Variants in ZMYND8 observed in about 807,000 individuals in gnomAD.
The protein encoded by ZMYND8 is zinc finger MYND-type containing 8.
ZMYND8 carries 37 observed loss-of-function variants against 140.8 expected under a neutral mutation model. The observed-to-expected ratio is 0.26, with a 90% confidence interval of 0.20 to 0.35. The LOEUF is 0.35. Ranked by LOEUF, ZMYND8 falls within the 10% of genes least tolerant of loss-of-function variation. The pLI, the probability that ZMYND8 is intolerant of heterozygous loss-of-function variation, is 1.00. For missense variants in ZMYND8, 1,068 were observed against 1,570.0 expected (o/e 0.68, Z 5.40); for synonymous variants, 592 against 597.1 (o/e 0.99, Z 0.12).
Position 47,210,178 on chromosome 20 carries a change from T to C in ZMYND8, c.*583A>G, listed in dbSNP as rs528778874. On this transcript the variant is annotated 3_prime_UTR_variant, in exon 23 of 23. Coordinates refer to ENST00000471951, the MANE Select transcript of ZMYND8 (RefSeq NM_001281775.3). Reference sequence around the variant, plus strand: ...TTTAGGAACGTGGTAACGTAGTAGCTGAAAGGAGCCAACGGCTTGATGGGA... The same window carrying C: ...TTTAGGAACGTGGTAACGTAGTAGCCGAAAGGAGCCAACGGCTTGATGGGA... 6.5e-6 allele frequency: 1 copy of C among 152,964 alleles called. No individual in the cohort carries two copies. Among genetic ancestry groups the C allele is most frequent in the East Asian group, 1.9e-4 (1 of 5,246 alleles). The allele number at this position is 152,964 out of a possible 1,614,324, so 9.5% of individuals were successfully genotyped here.
chr20:47,317,651 A>G (rs2079517862), intron 2 of ZMYND8, among the ~76,000 whole-genome samples: 1 of 152,206 alleles, frequency 6.6e-6, no homozygotes, highest in Non-Finnish European at 1.5e-5. Context: ...AGGCCACAGG[A>G]GTAGGGCAAC....
intron 14 of ZMYND8, among the ~76,000 whole-genome samples, chr20:47,245,556 A>G (rs908871897): frequency 8.6e-5 from 13 of 152,004 alleles, no homozygotes; most frequent in Admixed American, 2.6e-4. Flanking sequence ...TGAAATGAAC[A>G]CTCCTAACCG....
intron 11 of ZMYND8, among the ~76,000 whole-genome samples, chr20:47,263,123 A>G (rs2075274343): frequency 6.6e-6 from 1 of 152,212 alleles, no homozygotes; most frequent in Non-Finnish European, 1.5e-5. Context: ...AGGACAATAA[A>G]CCACTTACGT....
chr20:47,347,979 TG>T, intron 1 of ZMYND8, 53 bp from the exon 2 acceptor site: 3 of 1,541,730 alleles, frequency 1.9e-6, no homozygotes, highest in Admixed American at 1.7e-5. Flanking sequence ...ACTTGCCCCA[TG>T]GGGGCAGCTA....
intron 11 of ZMYND8, among the ~76,000 whole-genome samples, chr20:47,264,762 C>T (rs62201458): frequency 0.24 from 36,348 of 151,924 alleles, 4,735 homozygotes; most frequent in Non-Finnish European, 0.3. Flanking sequence ...ATGCCAGGTG[C>T]GGTGGTTCAC....
intron 12 of ZMYND8, among the ~76,000 whole-genome samples, chr20:47,258,139 A>G (rs1449179279): frequency 6.6e-6 from 1 of 152,228 alleles, no homozygotes; most frequent in Admixed American, 6.5e-5. Flanking sequence ...TTAAGCTGGC[A>G]AGAGCCACAT....
At chr20:47,275,506 A>C (rs1038088496) in intron 11 of ZMYND8, among the ~76,000 whole-genome samples, 3 of 151,934 alleles carry the variant, frequency 2.0e-5, no homozygotes, top group Admixed American at 1.3e-4. Context: ...AAAAAAAAAA[A>C]AAACACAACA....
At chr20:47,307,845 C>G (rs533575163) in intron 3 of ZMYND8, among the ~76,000 whole-genome samples, 4 of 151,584 alleles carry the variant, frequency 2.6e-5, no homozygotes, top group African/African-American at 4.8e-5. Flanking sequence ...TAAGGCCAGG[C>G]GCGGTGGCTC....
rs1044618022 is a variant in ZMYND8, at chr20:47,339,218, C to T, written c.85+8638G>A. ...CGATCTCCTGACCTTGTGATCCGCC[C>T]GCCTCGGCCTCCCAAAGTGCTGGGA... On this transcript the variant is annotated intron_variant, in intron 2 of 22. Transcript: ENST00000471951. Among the ~76,000 whole-genome samples the T allele has an allele frequency of 1.3e-4, 19 of 151,776 alleles. 1 individual carries two copies. Among genetic ancestry groups the T allele is most frequent in the Admixed American group, 1.1e-3 (16 of 15,232 alleles).
At chr20:47,285,586 G>C (rs2076872516) in intron 8 of ZMYND8, 1 of 738,812 alleles carries the variant, frequency 1.4e-6, no homozygotes, top group African/African-American at 1.9e-5. Context: ...TATTGGAAAG[G>C]ACATAGCCTC....
At chr20:47,313,605 G>C (rs1270654583) in intron 2 of ZMYND8, among the ~76,000 whole-genome samples, 1 of 151,604 alleles carries the variant, frequency 6.6e-6, no homozygotes, top group East Asian at 1.9e-4. Context: ...CTGGGCAACA[G>C]AGGGGTGAGA....
At chr20:47,313,526 G>A (rs1174737498) in intron 2 of ZMYND8, among the ~76,000 whole-genome samples, 1 of 152,102 alleles carries the variant, frequency 6.6e-6, no homozygotes, top group Non-Finnish European at 1.5e-5. Flanking sequence ...GGAGGCTGAG[G>A]CAGGAGAATG....
At chr20:47,312,729 G>T (rs1453642924) in intron 2 of ZMYND8, among the ~76,000 whole-genome samples, 1 of 151,418 alleles carries the variant, frequency 6.6e-6, no homozygotes. Flanking sequence ...GTCAGAGGTT[G>T]CTGTGAGCCG....
intron 11 of ZMYND8, 69 bp from the exon 12 acceptor site, chr20:47,262,497 AG>A (rs2147563936): frequency 6.3e-7 from 1 of 1,589,332 alleles, no homozygotes; most frequent in Admixed American, 1.7e-5. Context: ...GGTGTGGTGT[AG>A]GGAGAGAATG....
intron 10 of ZMYND8, among the ~76,000 whole-genome samples, chr20:47,280,460 C>A (rs2076536921): frequency 6.6e-6 from 1 of 152,212 alleles, no homozygotes; most frequent in Admixed American, 6.5e-5. Context: ...AGCTGGCCAA[C>A]TCACACGCCG....
intron 2 of ZMYND8, among the ~76,000 whole-genome samples, chr20:47,347,508 T>C (rs2082428916): frequency 6.6e-6 from 1 of 152,182 alleles, no homozygotes; most frequent in Admixed American, 6.5e-5. Context: ...GTTGTTAAAA[T>C]CAGAAAACGA....
rs1024183835 is a variant in ZMYND8 at position 47,310,309 on chromosome 20, C to A, written c.86-105G>T. On this transcript the variant is annotated intron_variant, in intron 2 of 22. Coordinates refer to ENST00000471951, the MANE Select transcript of ZMYND8 (RefSeq NM_001281775.3). ...AGTGTGGGAACAGAGTGCATTCTGT[C>A]CCCCAACTCCCGAAGCCACTTCAGT... 10 of 1,341,528 alleles carry A rather than the reference C, an allele frequency of 7.5e-6. No homozygotes were observed. The African/African-American group carries it at 1.3e-4, about 18-fold the overall frequency. 83.1% of individuals were successfully genotyped at this position (1,341,528 alleles called of 1,614,324 possible). A position where few individuals can be genotyped will look rare whatever the true frequency, so the allele number is the denominator to read the frequency against.
intron 5 of ZMYND8, among the ~76,000 whole-genome samples, chr20:47,292,747 G>A (rs1261197917): frequency 2.0e-5 from 3 of 151,980 alleles, no homozygotes; most frequent in African/African-American, 4.8e-5. Flanking sequence ...CATCATGTCC[G>A]CAAGTTTCTC....
intron 2 of ZMYND8, among the ~76,000 whole-genome samples, chr20:47,330,620 G>A (rs1468638629): frequency 1.3e-5 from 2 of 152,064 alleles, no homozygotes; most frequent in African/African-American, 4.8e-5. Flanking sequence ...AGAAACCAGG[G>A]GGAAAGGGCC....
Sources: gnomAD v4.1 joint callset for allele counts (sites outside exome capture counted in the v4.1 genomes callset) on GRCh38, gnomAD v4.1.1 for gene constraint, MANE v1.5 for transcripts, NCBI Gene and HGNC (gene_info 2026-07-23, HGNC 2026-07-21) for gene names.